The following ALAS1 variants were observed in gnomAD, a reference collection of about 807,000 sequenced individuals.
ALAS1 encodes the protein 5-aminolevulinate synthase, non-specific, mitochondrial.
A neutral mutation model predicts 59.6 loss-of-function variants in ALAS1; 29 were observed. The observed-to-expected ratio is 0.49, with a 90% CI of 0.36 to 0.66. The LOEUF (loss-of-function observed/expected upper bound fraction) is 0.66, where lower values mean the gene tolerates loss of function less well. Ranked by LOEUF, ALAS1 falls within the 30% of genes least tolerant of loss-of-function variation. ALAS1 has a pLI of 0.00. For synonymous variants in ALAS1, 299 were observed against 296.6 expected (o/e 1.01, Z -0.08); for missense variants, 690 against 807.5 (o/e 0.85, Z 1.76).
At position 52,204,690 on chromosome 3, in the gene ALAS1, T is replaced by C; in HGVS notation, c.578-3T>C. The C allele has an allele frequency of 6.2e-7, 1 of 1,612,656 alleles. No individual in the cohort carries two copies. The highest frequency in any genetic ancestry group is 1.1e-5 in the South Asian group (1 of 91,026). On this transcript the variant is annotated splice_region_variant and splice_polypyrimidine_tract_variant and intron_variant, in intron 5 of 11. Coordinates refer to ENST00000484952, the MANE Select transcript of ALAS1 (RefSeq NM_000688.6). ...TCTGTACTGTCTTTTGTTCAATTTT[T>C]AGCTGTTTCCACTTTTCAGTATGAT...
intron 6 of ALAS1, 91 bp from the exon 7 acceptor site, chr3:52,205,748 C>T: frequency 1.6e-6 from 2 of 1,247,258 alleles, no homozygotes; most frequent in South Asian, 1.6e-5. Context: ...CAACATGTTT[C>T]AGTCTCCTGG....
chr3:52,207,472 G>A (rs1305508152), intron 8 of ALAS1, among the ~76,000 whole-genome samples: 1 of 151,970 alleles, frequency 6.6e-6, no homozygotes, highest in Non-Finnish European at 1.5e-5. Context: ...TTTCTGCCAG[G>A]ATTTTTTTTT....
chr3:52,212,187 G>A lies in ALAS1; in HGVS notation c.1600-71G>A, dbSNP rs114033185. 153 of 1,435,536 alleles carry A rather than the reference G, an allele frequency of 1.1e-4. No individual in the cohort carries two copies. In the African/African-American group the frequency reaches 1.5e-3, roughly 14 times the overall value. 88.9% of individuals were successfully genotyped at this position (1,435,536 alleles called of 1,614,324 possible). ...TGAGCCTGAGCGTTGTGGGGACTGCGTTCGTTAGGATCTCTGCTAAGAGGT... is the reference window on the plus strand; with the variant it reads ...TGAGCCTGAGCGTTGTGGGGACTGCATTCGTTAGGATCTCTGCTAAGAGGT... On this transcript the variant is annotated intron_variant, in intron 10 of 11. Transcript: ENST00000484952.
chr3:52,204,808 G>A lies in ALAS1; in HGVS notation c.693G>A (p.Met231Ile). ...ACCGGCGAGCACACATCTTCCCCAT[G>A]GCAGATGACTATTCAGACTCCCTCA... ...TVNRRAHIFP[M>I]ADDYSDSLIT... The change falls in exon 6 of 12, where the codon ATG becomes ATA. Residue 231 changes from methionine to isoleucine, a missense_variant. Met to Ile is a conservative substitution (Grantham distance 10, BLOSUM62 1). Transcript: ENST00000484952. 6.2e-7 allele frequency: 1 copy of A among 1,614,144 alleles called. No individual in the cohort carries two copies. Among genetic ancestry groups the A allele is most frequent in the Non-Finnish European group, 8.5e-7 (1 of 1,180,026 alleles).
chr3:52,205,914 C>T lies in ALAS1; in HGVS notation c.876C>T (p.Asp292=), dbSNP rs755401759. 6.2e-7 allele frequency: 1 copy of T among 1,614,170 alleles called. No homozygotes were observed. Among genetic ancestry groups the T allele is most frequent in the Non-Finnish European group, 8.5e-7 (1 of 1,180,010 alleles). ...CTGGAACTAGTAAATTCCATGTGGA[C>T]TTAGAGCGGGAGCTGGCAGACCTCC... The part of the protein sequence containing the change: ...NISGTSKFHV[D]LERELADLHG... Residue 292 remains aspartate, a synonymous_variant, in exon 7 of 12, where the codon GAC becomes GAT. Coordinates refer to ENST00000484952, the MANE Select transcript of ALAS1 (RefSeq NM_000688.6).
chr3:52,204,943 A>G, intron 6 of ALAS1, 28 bp downstream of exon 6: 1 of 1,580,322 alleles, frequency 6.3e-7, no homozygotes, highest in South Asian at 1.1e-5. Flanking sequence ...TTCAAATATT[A>G]CTGTTGTTAT....
intron 4 of ALAS1, among the ~76,000 whole-genome samples, chr3:52,202,996 C>T (rs1699218830): frequency 6.6e-6 from 1 of 152,144 alleles, no homozygotes; most frequent in Non-Finnish European, 1.5e-5. Flanking sequence ...CAGTCTTGAG[C>T]TGCCACCAGC....
intron 8 of ALAS1, among the ~76,000 whole-genome samples, chr3:52,207,790 G>A (rs1424773079): frequency 6.6e-6 from 1 of 152,148 alleles, no homozygotes; most frequent in African/African-American, 2.4e-5. Context: ...CATCCGTATT[G>A]CTGTAAAGGA....
intron 9 of ALAS1, 110 bp from the exon 10 acceptor site, chr3:52,211,173 T>TA (rs1699397370): frequency 1.6e-6 from 2 of 1,280,714 alleles, no homozygotes; most frequent in Admixed American, 4.4e-5. Flanking sequence ...AGGAACAAAT[T>TA]AAAAAGATAA....
chr3:52,206,337 G>T (rs1174131346), intron 7 of ALAS1, among the ~76,000 whole-genome samples: 1 of 152,158 alleles, frequency 6.6e-6, no homozygotes, highest in East Asian at 1.9e-4. Context: ...TTGGAGTGAG[G>T]CAGTCAGATT....
intron 1 of ALAS1, among the ~76,000 whole-genome samples, 187 bp from the exon 2 acceptor site, chr3:52,198,485 C>T (rs955512455): frequency 6.6e-6 from 1 of 152,206 alleles, no homozygotes; most frequent in Non-Finnish European, 1.5e-5. Context: ...TTAGAATTCC[C>T]TTCTCATACC....
chr3:52,212,221 C>T, intron 10 of ALAS1, 37 bp from the exon 11 acceptor site: 2 of 1,594,024 alleles, frequency 1.3e-6, no homozygotes, highest in African/African-American at 1.3e-5. Context: ...GTAGTCCTTC[C>T]TGTTGTGACC....
In ALAS1 at chr3:52,199,204, C is replaced by G. The variant is rs192989030; in HGVS notation, c.-32-6C>G. On this transcript the variant is annotated splice_polypyrimidine_tract_variant and splice_region_variant and intron_variant, in intron 2 of 11. Transcript: ENST00000484952. ...ATTAACAACTGTTGATGTCACTCTT[C>G]ATCAGTCTTTCCACAGGAGCCAGCA... 460 of 1,613,648 alleles carry G rather than the reference C, an allele frequency of 2.9e-4. 1 individual carries two copies. The East Asian group carries it at 6.6e-3, about 23-fold the overall frequency.
upstream of ALAS1, chr3:52,198,098 C>T (rs1420894058): frequency 2.5e-6 from 1 of 397,790 alleles, no homozygotes; most frequent in African/African-American, 2.1e-5. Context: ...GAAGGCAGCG[C>T]CCAAGGCGCA....
upstream of ALAS1, chr3:52,198,132 A>G (rs1577957799): frequency 5.0e-6 from 2 of 398,168 alleles, no homozygotes; most frequent in South Asian, 1.3e-4. Context: ...CTCCCGCTGT[A>G]TATTAAGGCG....
At position 52,204,695 on chromosome 3, in the gene ALAS1, G is replaced by C; in HGVS notation, c.580G>C (p.Val194Leu). 6.2e-7 allele frequency: 1 copy of C among 1,613,286 alleles called. No homozygotes were observed. The highest frequency in any genetic ancestry group is 8.5e-7 in the Non-Finnish European group (1 of 1,179,596). Residue 194 changes from valine to leucine, a missense_variant and splice_region_variant, in exon 6 of 12, where the codon GTT becomes CTT. Val to Leu is a conservative substitution (Grantham distance 32). Coordinates refer to ENST00000484952, the MANE Select transcript of ALAS1 (RefSeq NM_000688.6). ...ACTGTCTTTTGTTCAATTTTTAGCTGTTTCCACTTTTCAGTATGATCGTTT... is the reference window on the plus strand; with the variant it reads ...ACTGTCTTTTGTTCAATTTTTAGCTCTTTCCACTTTTCAGTATGATCGTTT... ...HLLQDNLPKS[V>L]STFQYDRFFE...
Position 52,206,617 on chromosome 3 carries a change from A to C in ALAS1, c.1031A>C (p.Gln344Pro). The C allele has an allele frequency of 6.2e-7, 1 of 1,614,200 alleles. No individual in the cohort carries two copies. The part of the protein sequence containing the change: ...SDSGNHASMI[Q>P]GIRNSRVPKY... ...TCTGGGAACCATGCCTCCATGATCC[A>C]AGGGATTCGAAACAGCCGAGTGCCA... Residue 344 changes from glutamine (Q) to proline (P), a missense_variant, in exon 8 of 12, where the codon CAA becomes CCA. Gln to Pro is a moderately conservative substitution (Grantham distance 76). Transcript: ENST00000484952.
Position 52,205,975 on chromosome 3 carries a change from T to C in ALAS1, c.937T>C (p.Phe313Leu). ...KDAALLFSSC[F>L]VANDSTLFTL... ...TGCCGCACTCTTGTTTTCCTCGTGCTTTGTGGCCAATGACTCAACCCTCTT... is the reference window on the plus strand; with the variant it reads ...TGCCGCACTCTTGTTTTCCTCGTGCCTTGTGGCCAATGACTCAACCCTCTT... Residue 313 changes from phenylalanine (F) to leucine (L), a missense_variant, in exon 7 of 12, where the codon TTT (phenylalanine) becomes CTT (leucine). Transcript: ENST00000484952. 6.2e-7 allele frequency: 1 copy of C among 1,614,124 alleles called. No homozygotes were observed. The highest frequency in any genetic ancestry group is 8.5e-7 in the Non-Finnish European group (1 of 1,179,996).
chr3:52,212,539 T>G, intron 11 of ALAS1, 119 bp downstream of exon 11: 2 of 1,361,768 alleles, frequency 1.5e-6, no homozygotes, highest in South Asian at 1.2e-5. Flanking sequence ...TTTTTTTAGT[T>G]TTTTTTTTGA....
Sources: allele counts gnomAD v4.1 joint callset (sites outside exome capture counted in the v4.1 genomes callset), GRCh38; gene constraint gnomAD v4.1.1; transcripts MANE v1.5; gene names NCBI Gene and HGNC (gene_info 2026-07-23, HGNC 2026-07-21).